MRTFB: variants seen among roughly 807,000 people sequenced by gnomAD.
The protein encoded by MRTFB is myocardin related transcription factor B.
MRTFB carries 29 observed loss-of-function variants against 104.2 expected under a neutral mutation model. That is an observed-to-expected ratio of 0.28 (90% CI 0.21 to 0.38). The LOEUF (loss-of-function observed/expected upper bound fraction) is 0.38, where lower values mean the gene tolerates loss of function less well. MRTFB is among the 10% of genes least tolerant of loss of function. MRTFB has a pLI of 1.00. For missense variants in MRTFB, 1,270 were observed against 1,341.6 expected, an observed-to-expected ratio of 0.95 and a Z score of 0.83; for synonymous variants, 535 against 519.5, an observed-to-expected ratio of 1.03 and a Z score of -0.41.
chr16:14,165,780 G>A (rs906346108), intron 3 of MRTFB, among the ~76,000 whole-genome samples: 1 of 152,140 alleles, frequency 6.6e-6, no homozygotes, highest in African/African-American at 2.4e-5. Context: ...GCCATAAAAT[G>A]GTTAATAGCC....
rs773521042 is a variant in MRTFB, at chr16:14,240,652, G to A, written c.1079+168G>A. Reference sequence around the variant, plus strand: ...AGTGTCTGAAGTCCACATGGTGAGAGTGGCCTGCATTCCATTCCAGTTTCT... The same window carrying A: ...AGTGTCTGAAGTCCACATGGTGAGAATGGCCTGCATTCCATTCCAGTTTCT... On this transcript the variant is annotated intron_variant, in intron 10 of 16. Transcript: ENST00000571589. 30 of 1,153,926 alleles carry A rather than the reference G, an allele frequency of 2.6e-5. No homozygotes were observed. The South Asian group carries it at 3.4e-4, about 13-fold the overall frequency. 71.5% of individuals were successfully genotyped at this position (1,153,926 alleles called of 1,614,324 possible). A position where few individuals can be genotyped will look rare whatever the true frequency, so the allele number is the denominator to read the frequency against.
At chr16:14,219,291 G>C (rs1265315033) in intron 8 of MRTFB, among the ~76,000 whole-genome samples, 2 of 152,120 alleles carry the variant, frequency 1.3e-5, no homozygotes, top group Non-Finnish European at 2.9e-5. Flanking sequence ...CACCTATTAT[G>C]TTTCAAATTT....
At chr16:14,071,538 C>G (rs1159639249) in intron 1 of MRTFB, among the ~76,000 whole-genome samples, 173 bp downstream of exon 1, 5 of 148,566 alleles carry the variant, frequency 3.4e-5, no homozygotes, top group Admixed American at 3.3e-4. Context: ...CCGGGACTCG[C>G]GCGGGGCGGG....
chr16:14,210,345 C>T, intron 4 of MRTFB, 37 bp downstream of exon 4: 1 of 1,540,028 alleles, frequency 6.5e-7, no homozygotes. Context: ...CCTAACGTGA[C>T]AGAACATGAC....
intron 3 of MRTFB, among the ~76,000 whole-genome samples, chr16:14,156,056 A>G (rs1245638443): frequency 6.6e-6 from 1 of 152,098 alleles, no homozygotes; most frequent in African/African-American, 2.4e-5. Context: ...CAGTCTAGAA[A>G]TTGCCTCCAG....
intron 3 of MRTFB, among the ~76,000 whole-genome samples, chr16:14,183,463 C>T (rs1254025272): frequency 6.6e-6 from 1 of 152,146 alleles, no homozygotes; most frequent in African/African-American, 2.4e-5. Flanking sequence ...ATTGGTGGAA[C>T]TTGAATGCAG....
chr16:14,246,829 A>T lies in MRTFB; in HGVS notation c.1569A>T (p.Ala523=). 6.2e-7 allele frequency: 1 copy of T among 1,612,708 alleles called. No homozygotes were observed. Among genetic ancestry groups the T allele is most frequent in the Non-Finnish European group, 8.5e-7 (1 of 1,180,008 alleles). The change falls in exon 12 of 17, where the codon GCA becomes GCT. Residue 523 remains alanine (A), a synonymous_variant. Coordinates refer to ENST00000571589, the MANE Select transcript of MRTFB (RefSeq NM_001308142.2). The part of the protein sequence containing the change: ...SSLSTDDTNM[A]DTFTEIMTMM... ...TCAGTACTGATGACACAAACATGGC[A>T]GACACTTTCACCGAGATTATGACCA... is the stretch of plus-strand genomic sequence containing the variant.
At chr16:14,017,687 G>GTGTGTATATATATA in the MRTFB span, among the ~76,000 whole-genome samples, 1 of 6,808 alleles carries the variant, frequency 1.5e-4, no homozygotes. Context: ...GTGTGTGTGT[G>GTGTGTATATATATA]TATATATATA....
chr16:14,144,707 T>G (rs1172556814), intron 3 of MRTFB: 2 of 151,996 alleles, frequency 1.3e-5, no homozygotes, highest in African/African-American at 4.8e-5. Flanking sequence ...CCCAGCACTT[T>G]GGGAGGCCGA....
chr16:14,240,049 A>T (rs887783397), intron 9 of MRTFB, among the ~76,000 whole-genome samples, 188 bp from the exon 10 acceptor site: 4 of 152,242 alleles, frequency 2.6e-5, no homozygotes, highest in African/African-American at 9.6e-5. Flanking sequence ...GAGAAAATTT[A>T]TTGGTCAAAG....
chr16:14,186,584 C>T (rs964757648), intron 3 of MRTFB: 58 of 515,858 alleles, frequency 1.1e-4, no homozygotes, highest in African/African-American at 1.1e-3. Context: ...AGACTGAAGT[C>T]CCCAGCGCGG....
chr16:14,117,607 A>C (rs976276882), intron 2 of MRTFB, among the ~76,000 whole-genome samples: 10 of 152,208 alleles, frequency 6.6e-5, no homozygotes, highest in Admixed American at 1.3e-4. Context: ...TAGGCATTTA[A>C]AATATAATTT....
chr16:14,129,029 C>T (rs2037305796), intron 2 of MRTFB, among the ~76,000 whole-genome samples: 1 of 152,214 alleles, frequency 6.6e-6, no homozygotes. Context: ...CCTTTGAGTA[C>T]AACTTCTTTC....
At chr16:14,030,487 C>A in the MRTFB span, among the ~76,000 whole-genome samples, 1 of 152,280 alleles carries the variant, frequency 6.6e-6, no homozygotes, top group Non-Finnish European at 1.5e-5. Context: ...CTCATGGGAC[C>A]ATTCTGGGGG....
the MRTFB span, among the ~76,000 whole-genome samples, chr16:14,033,546 A>G: frequency 6.6e-6 from 1 of 151,876 alleles, no homozygotes; most frequent in Admixed American, 6.6e-5. Context: ...TATCAAAATA[A>G]TAATAATAGA....
At chr16:14,211,296 AC>A (rs768033729) in intron 4 of MRTFB, among the ~76,000 whole-genome samples, 7 of 152,184 alleles carry the variant, frequency 4.6e-5, no homozygotes, top group Non-Finnish European at 8.8e-5. Flanking sequence ...CTGACTATGA[AC>A]CAACTAATCA....
the MRTFB span, among the ~76,000 whole-genome samples, chr16:14,000,189 A>C: frequency 2.0e-5 from 3 of 152,252 alleles, no homozygotes; most frequent in Admixed American, 6.5e-5. Context: ...CGCCTGTAGC[A>C]GCACTCGCTT....
At position 14,245,999 on chromosome 16, in the gene MRTFB, A is replaced by G. The variant is rs1244554860; in HGVS notation, c.1212+339A>G. On this transcript the variant is annotated intron_variant, in intron 11 of 16. Transcript: ENST00000571589. ...TATGAGCTCTAGGGCCAGCCTTTTT[A>G]GGTTTCTACCACAGCTCAGCCTTCT... Among the ~76,000 whole-genome samples, 4 of 152,158 alleles carry G rather than the reference A, an allele frequency of 2.6e-5. No homozygotes were observed. The East Asian group carries it at 7.7e-4, about 29-fold the overall frequency.
the MRTFB span, among the ~76,000 whole-genome samples, chr16:14,044,198 G>C: frequency 1.3e-5 from 2 of 152,152 alleles, no homozygotes; most frequent in East Asian, 3.9e-4. Context: ...ACACCAACTG[G>C]TGACAAGATG....
Sources: allele counts gnomAD v4.1 joint callset (sites outside exome capture counted in the v4.1 genomes callset), GRCh38; gene constraint gnomAD v4.1.1; transcripts MANE v1.5; gene names NCBI Gene and HGNC (gene_info 2026-07-23, HGNC 2026-07-21).